The following GUCA1C variants were observed in gnomAD, a reference collection of about 807,000 sequenced individuals.
The protein encoded by GUCA1C is guanylate cyclase activator 1C, also known as guanylyl cyclase-activating protein 3.
In GUCA1C, 15 loss-of-function variants were observed where a neutral mutation model predicts 16.2. The ratio of observed to expected loss-of-function variants is 0.93; its 90% CI spans 0.62 to 1.43. GUCA1C has a LOEUF of 1.43. Among genes scored for constraint, GUCA1C ranks in the 40% most tolerant of loss-of-function variants. The pLI is 0.00. For synonymous variants in GUCA1C, 78 were observed against 85.4 expected (o/e 0.91, Z 0.48); for missense variants, 275 against 244.8 (o/e 1.12, Z -0.82).
At chr3:108,915,302 T>C (rs765214798) in intron 3 of GUCA1C, among the ~76,000 whole-genome samples, 8 of 152,252 alleles carry the variant, frequency 5.3e-5, no homozygotes, top group Non-Finnish European at 1.2e-4. Flanking sequence ...GTGATTGGCA[T>C]GCCAATGCCT....
At chr3:108,915,935 G>T in intron 3 of GUCA1C, 192 bp downstream of exon 3, 1 of 612,970 alleles carries the variant, frequency 1.6e-6, no homozygotes, top group Non-Finnish European at 2.7e-6. Flanking sequence ...ACCACACATT[G>T]GAAATGAATA....
Position 108,916,288 on chromosome 3 carries a change from T to C in GUCA1C, c.355-74A>G, listed in dbSNP as rs140018673. The C allele has an allele frequency of 1.2e-3, 1,665 of 1,434,576 alleles. 35 individuals are homozygous for C. The East Asian group carries it at 0.029, about 25-fold the overall frequency. The allele number at this position is 1,434,576 out of a possible 1,614,324, so 88.9% of individuals were successfully genotyped here. On this transcript the variant is annotated intron_variant, in intron 2 of 3. Transcript: ENST00000261047. ...ACATTTTGCAACATTTCTGCTCCGA[T>C]GTGACAGAATTTGGGGATGTGTTGT...
chr3:108,953,725 G>A lies in GUCA1C; in HGVS notation c.38C>T (p.Ala13Val), dbSNP rs146650880. The A allele has an allele frequency of 6.1e-5, 99 of 1,613,018 alleles. No individual in the cohort carries two copies. The highest frequency in any genetic ancestry group is 1.6e-4 in the Middle Eastern group (1 of 6,078). ...NGKSIAGDQK[A>V]VPTQETHVWY... ...CACATGGGTCTCTTGTGTAGGAACT[G>A]CTTTCTGATCACCAGCTATAGATTT... Residue 13 changes from alanine (A) to valine (V), a missense_variant, in exon 1 of 4, where the codon GCA becomes GTA. Coordinates refer to ENST00000261047, the MANE Select transcript of GUCA1C (RefSeq NM_005459.4).
intron 1 of GUCA1C, among the ~76,000 whole-genome samples, chr3:108,937,405 T>A (rs940271854): frequency 6.6e-6 from 1 of 152,178 alleles, no homozygotes; most frequent in African/African-American, 2.4e-5. Context: ...GATACTAAAA[T>A]GTTATCTTAG....
Position 108,907,961 on chromosome 3 carries a change from T to C in GUCA1C, c.*61A>G. 2 of 1,229,278 alleles carry C rather than the reference T, an allele frequency of 1.6e-6. No homozygotes were observed. The highest frequency in any genetic ancestry group is 1.4e-5 in the South Asian group (1 of 71,286). The allele number at this position is 1,229,278 out of a possible 1,614,324, so 76.1% of individuals were successfully genotyped here. On this transcript the variant is annotated 3_prime_UTR_variant, in exon 4 of 4. Transcript: ENST00000261047. ...ATCAACAGCATGTACATGGGGAAGATTCTATTTCTTCTCTACTGAAATGTT... is the reference window on the plus strand; with the variant it reads ...ATCAACAGCATGTACATGGGGAAGACTCTATTTCTTCTCTACTGAAATGTT...
intron 3 of GUCA1C, among the ~76,000 whole-genome samples, chr3:108,913,571 C>T (rs1946478004): frequency 6.6e-6 from 1 of 152,070 alleles, no homozygotes; most frequent in African/African-American, 2.4e-5. Context: ...TTCACCAGCA[C>T]ATTTGTTAAC....
intron 1 of GUCA1C, among the ~76,000 whole-genome samples, chr3:108,946,630 C>T (rs2715711): frequency 6.6e-6 from 1 of 151,854 alleles, no homozygotes; most frequent in African/African-American, 2.4e-5. Flanking sequence ...AATCTATTTA[C>T]GTTTCTATAG....
At position 108,953,631 on chromosome 3, in the gene GUCA1C, C is replaced by A; in HGVS notation, c.132G>T (p.Leu44Phe). ...LQTLHEFKTL[L>F]GLQGLNQKAN... Reference sequence around the variant, plus strand: ...CCTTCTGATTCAGACCTTGCAGACCCAAAAGTGTCTTAAATTCATGTAGTG... The same window carrying A: ...CCTTCTGATTCAGACCTTGCAGACCAAAAAGTGTCTTAAATTCATGTAGTG... The change falls in exon 1 of 4, where the codon TTG (leucine) becomes TTT (phenylalanine). Residue 44 changes from leucine (L) to phenylalanine (F), a missense_variant. Leu to Phe is a conservative substitution (Grantham distance 22). Coordinates refer to ENST00000261047, the MANE Select transcript of GUCA1C (RefSeq NM_005459.4). 1 of 1,613,298 alleles carries A rather than the reference C, an allele frequency of 6.2e-7. No individual in the cohort carries two copies. Among genetic ancestry groups the A allele is most frequent in the Non-Finnish European group, 8.5e-7 (1 of 1,179,276 alleles).
chr3:108,926,812 G>A (rs866929001), intron 1 of GUCA1C, among the ~76,000 whole-genome samples: 16 of 149,004 alleles, frequency 1.1e-4, no homozygotes, highest in African/African-American at 3.0e-4. Flanking sequence ...TTGTGTTATT[G>A]TTATATAGGT....
chr3:108,954,305 G>T (rs1051786733), upstream of GUCA1C, among the ~76,000 whole-genome samples: 4 of 152,142 alleles, frequency 2.6e-5, no homozygotes, highest in Non-Finnish European at 4.4e-5. Context: ...CATACATTGA[G>T]TATTATTAAA....
intron 1 of GUCA1C, among the ~76,000 whole-genome samples, chr3:108,933,109 C>T (rs2715683): frequency 0.73 from 111,368 of 151,992 alleles, 41,534 homozygotes; most frequent in Non-Finnish European, 0.78. Flanking sequence ...TTCCTAATCT[C>T]TCACTGCCAG....
chr3:108,918,059 A>C (rs896473050), intron 2 of GUCA1C, among the ~76,000 whole-genome samples: 2 of 152,150 alleles, frequency 1.3e-5, no homozygotes, highest in African/African-American at 4.8e-5. Flanking sequence ...AAATAAAAAA[A>C]ACTCTTAAAA....
chr3:108,923,051 T>C (rs1406043350), intron 1 of GUCA1C, among the ~76,000 whole-genome samples: 2 of 152,202 alleles, frequency 1.3e-5, no homozygotes, highest in African/African-American at 2.4e-5. Flanking sequence ...TTTGTTTGAG[T>C]TCTTTGTAGA....
chr3:108,946,333 T>C (rs1030199840), intron 1 of GUCA1C, among the ~76,000 whole-genome samples: 1 of 152,172 alleles, frequency 6.6e-6, no homozygotes, highest in Non-Finnish European at 1.5e-5. Flanking sequence ...GGTTTTGCTA[T>C]GTTGCCCATG....
At chr3:108,931,851 T>C (rs1421837649) in intron 1 of GUCA1C, among the ~76,000 whole-genome samples, 1 of 136,528 alleles carries the variant, frequency 7.3e-6, no homozygotes, top group Non-Finnish European at 1.5e-5. Flanking sequence ...AGGGAACAGT[T>C]TTTTTTCTTC....
chr3:108,918,489 A>C (rs1437900119), intron 2 of GUCA1C, among the ~76,000 whole-genome samples: 2 of 152,126 alleles, frequency 1.3e-5, no homozygotes, highest in Non-Finnish European at 2.9e-5. Context: ...TCAGACACTC[A>C]CTGCTGTGGC....
chr3:108,945,668 G>A (rs1946837316), intron 1 of GUCA1C, among the ~76,000 whole-genome samples: 1 of 152,054 alleles, frequency 6.6e-6, no homozygotes, highest in African/African-American at 2.4e-5. Flanking sequence ...AAAGCATCCT[G>A]TTTTTAAGCA....
chr3:108,935,164 A>G (rs372184216), intron 1 of GUCA1C, among the ~76,000 whole-genome samples: 2 of 151,954 alleles, frequency 1.3e-5, no homozygotes, highest in East Asian at 3.9e-4. Flanking sequence ...GGACATAAAC[A>G]TGGCAACAAT....
At chr3:108,930,771 C>G (rs1168222098) in intron 1 of GUCA1C, among the ~76,000 whole-genome samples, 1 of 152,160 alleles carries the variant, frequency 6.6e-6, no homozygotes, top group Non-Finnish European at 1.5e-5. Context: ...CAAAACCTAA[C>G]TGATTTTACC....
Sources: gnomAD v4.1 joint callset for allele counts (sites outside exome capture counted in the v4.1 genomes callset) on GRCh38, gnomAD v4.1.1 for gene constraint, MANE v1.5 for transcripts, NCBI Gene and HGNC (gene_info 2026-07-23, HGNC 2026-07-21) for gene names.